Variants in AVEN observed in about 807,000 individuals in gnomAD.
The protein encoded by AVEN is cell death regulator Aven.
Under a neutral mutation model 38.1 loss-of-function variants are expected in AVEN, and 41 were observed. That is an observed-to-expected ratio of 1.08 (90% CI 0.84 to 1.40). The LOEUF (loss-of-function observed/expected upper bound fraction) is 1.40, where lower values mean the gene tolerates loss of function less well. Among genes scored for constraint, AVEN ranks in the 40% most tolerant of loss-of-function variants. The pLI, the probability that AVEN is intolerant of heterozygous loss-of-function variation, is 0.00. For missense variants in AVEN, 605 were observed against 438.8 expected (o/e 1.38, Z -3.38); for synonymous variants, 206 against 171.8 (o/e 1.20, Z -1.56).
At chr15:34,054,878 G>C (rs1900070072) in intron 5 of AVEN, among the ~76,000 whole-genome samples, 1 of 152,162 alleles carries the variant, frequency 6.6e-6, no homozygotes, top group Non-Finnish European at 1.5e-5. Flanking sequence ...ATGGTTGCTT[G>C]AAAACAATTT....
chr15:33,920,827 G>A (rs1045023926), intron 2 of AVEN, among the ~76,000 whole-genome samples: 5 of 152,026 alleles, frequency 3.3e-5, no homozygotes, highest in African/African-American at 1.2e-4. Flanking sequence ...GTGCAGTGGT[G>A]CAATCTCGCA....
intron 4 of AVEN, chr15:34,064,677 T>C (rs1039527184): frequency 4.1e-6 from 1 of 241,178 alleles, no homozygotes; most frequent in African/African-American, 2.3e-5. Context: ...GTGGAAACCT[T>C]TTCCTGTGGA....
At chr15:33,859,199 A>G (rs118084606) in intron 11 of AVEN, 5,606 of 177,286 alleles carry the variant, frequency 0.032, 175 homozygotes, top group Non-Finnish European at 0.037. Context: ...AAGAGGGGGG[A>G]CCTTTTTGCA....
intron 1 of AVEN, among the ~76,000 whole-genome samples, chr15:34,012,896 A>G (rs1897694667): frequency 6.6e-6 from 1 of 152,168 alleles, no homozygotes; most frequent in Admixed American, 6.5e-5. Context: ...TAAGTTAACC[A>G]TTATTTTTTC....
chr15:33,954,943 G>T lies in AVEN; in HGVS notation c.445+48089C>A, dbSNP rs113191855. On this transcript the variant is annotated intron_variant, in intron 2 of 5. Coordinates refer to ENST00000306730, the MANE Select transcript of AVEN (RefSeq NM_020371.3). ...AAGTCCTTGAAAGGGCCACTGGAAG[G>T]TACCAAATGGCTATCTTTCTACAGC... Among the ~76,000 whole-genome samples the T allele has an allele frequency of 9.4e-3, 1,426 of 152,228 alleles. 13 individuals are homozygous for T. Among genetic ancestry groups the T allele is most frequent in the African/African-American group, 0.025 (1,025 of 41,536 alleles).
intron 2 of AVEN, among the ~76,000 whole-genome samples, chr15:33,985,296 C>T (rs1896374567): frequency 1.3e-5 from 2 of 151,406 alleles, no homozygotes; most frequent in Admixed American, 6.6e-5. Flanking sequence ...TTCCTCATTG[C>T]CCCCGTCTCA....
At chr15:33,854,982 A>AT, downstream of AVEN, 3 of 1,438,788 alleles carry the variant, frequency 2.1e-6, no homozygotes, top group Non-Finnish European at 2.8e-6. Context: ...AGCAGGTAGT[A>AT]TACAGTATAT....
Position 33,868,570 on chromosome 15 carries a change from T to G in AVEN, c.613-715A>C, listed in dbSNP as rs564287043. Among the ~76,000 whole-genome samples, 15 of 126,698 alleles carry G rather than the reference T, an allele frequency of 1.2e-4. No homozygotes were observed. In the Admixed American group the frequency reaches 1.2e-3, roughly 10 times the overall value. 83.1% of individuals were successfully genotyped at this position (126,698 alleles called of 152,430 possible). Reference sequence around the variant, plus strand: ...AAAAAAAAAAAAAAAAAAAAAAAAGTCACCAGGAAGTAATTAGCAAATCAG... The same window carrying G: ...AAAAAAAAAAAAAAAAAAAAAAAAGGCACCAGGAAGTAATTAGCAAATCAG... On this transcript the variant is annotated intron_variant, in intron 4 of 5. Transcript: ENST00000306730.
In AVEN at chr15:33,997,757, C is replaced by T. The variant is rs551636481; in HGVS notation, c.445+5275G>A. Among the ~76,000 whole-genome samples, 3 of 152,014 alleles carry T rather than the reference C, an allele frequency of 2.0e-5. No individual in the cohort carries two copies. In the South Asian group the frequency reaches 6.2e-4, roughly 32 times the overall value. ...CAATCATTCTAATCATCTCCTTTTCCCTCTCTCATTTCATTGCATTTGCTC... is the reference window on the plus strand; with the variant it reads ...CAATCATTCTAATCATCTCCTTTTCTCTCTCTCATTTCATTGCATTTGCTC... On this transcript the variant is annotated intron_variant, in intron 2 of 5. Coordinates refer to ENST00000306730, the MANE Select transcript of AVEN (RefSeq NM_020371.3).
intron 1 of AVEN, among the ~76,000 whole-genome samples, chr15:34,020,080 G>T (rs1898135180): frequency 6.6e-6 from 1 of 152,166 alleles, no homozygotes; most frequent in South Asian, 2.1e-4. Flanking sequence ...GGGAGGCCAA[G>T]GTGGGTGGAT....
chr15:34,060,377 G>T (rs623941), intron 5 of AVEN, among the ~76,000 whole-genome samples: 94,190 of 151,886 alleles, frequency 0.62, 30,095 homozygotes, highest in East Asian at 0.81. Flanking sequence ...TCATCAACTC[G>T]ATTCCATATT....
chr15:33,865,988 T>TG (rs1890390803), downstream of AVEN: 1 of 152,846 alleles, frequency 6.5e-6, no homozygotes, highest in African/African-American at 2.4e-5. Flanking sequence ...CTCAACCTTA[T>TG]GCCAAAATGG....
intron 1 of AVEN, among the ~76,000 whole-genome samples, chr15:34,033,944 T>C (rs1898985127): frequency 6.6e-6 from 1 of 152,090 alleles, no homozygotes; most frequent in Non-Finnish European, 1.5e-5. Context: ...CGCGCCACCA[T>C]GCCCAGCTAA....
At chr15:33,945,767 C>T (rs764320221) in intron 2 of AVEN, among the ~76,000 whole-genome samples, 59 of 152,070 alleles carry the variant, frequency 3.9e-4, no homozygotes, top group Non-Finnish European at 4.6e-4. Context: ...TTTGTATTTT[C>T]GTAGAGACGG....
Position 34,063,147 on chromosome 15 carries a change from C to T in AVEN, n.1412G>A. ...CTTGACATATCGGGCCAAGCGTACT[C>T]CGAAAAGGGCTGGCATCATGATTGG... is the stretch of plus-strand genomic sequence containing the variant. On this transcript the variant is annotated non_coding_transcript_exon_variant, in exon 5 of 12. Transcript: ENST00000675287. The surrounding 1 kb of genome is among the most constrained non-coding windows in gnomAD (Gnocchi z 4.1). 1 of 1,614,168 alleles carries T rather than the reference C, an allele frequency of 6.2e-7. No homozygotes were observed. Among genetic ancestry groups the T allele is most frequent in the Non-Finnish European group, 8.5e-7 (1 of 1,180,028 alleles).
intron 2 of AVEN, among the ~76,000 whole-genome samples, chr15:33,949,264 G>A (rs1894634059): frequency 6.6e-6 from 1 of 150,880 alleles, no homozygotes; most frequent in Non-Finnish European, 1.5e-5. Flanking sequence ...CTGACCTCAT[G>A]ATCCGCCCGC....
chr15:33,931,973 T>A (rs1164879524), intron 2 of AVEN, among the ~76,000 whole-genome samples: 1 of 152,220 alleles, frequency 6.6e-6, no homozygotes, highest in African/African-American at 2.4e-5. Context: ...GATTCTAAGA[T>A]GAGCTTGATC....
chr15:33,872,781 C>T (rs1891035494), intron 3 of AVEN, among the ~76,000 whole-genome samples: 1 of 152,150 alleles, frequency 6.6e-6, no homozygotes, highest in African/African-American at 2.4e-5. Flanking sequence ...AGGGAAATTA[C>T]CTTCCCACTC....
At chr15:33,947,342 C>T (rs1894546291) in intron 2 of AVEN, among the ~76,000 whole-genome samples, 1 of 152,166 alleles carries the variant, frequency 6.6e-6, no homozygotes, top group African/African-American at 2.4e-5. Flanking sequence ...GTTTTAATTC[C>T]TTGAAAACTG....
Sources: gnomAD v4.1 joint callset for allele counts (sites outside exome capture counted in the v4.1 genomes callset) on GRCh38, gnomAD v4.1.1 for gene constraint, Gnocchi (gnomAD v3.1) non-coding constraint, MANE v1.5 for transcripts, NCBI Gene and HGNC (gene_info 2026-07-23, HGNC 2026-07-21) for gene names.